CACNA1C: variants seen among roughly 807,000 people sequenced by gnomAD.
The protein encoded by CACNA1C is voltage-dependent L-type calcium channel subunit alpha-1C.
In CACNA1C, 30 loss-of-function variants were observed where a neutral mutation model predicts 229.0. That is an observed-to-expected ratio of 0.13 (90% CI 0.10 to 0.18). CACNA1C has a LOEUF of 0.18. CACNA1C is among the 10% of genes least tolerant of loss of function. The pLI, the probability that CACNA1C is intolerant of heterozygous loss-of-function variation, is 1.00. For synonymous variants in CACNA1C, 1,114 were observed against 1,132.5 expected (o/e 0.98, Z 0.33); for missense variants, 1,658 against 2,845.0 (o/e 0.58, Z 9.49).
At chr12:2,039,112 A>G (rs1003924519) in intron 1 of CACNA1C, among the ~76,000 whole-genome samples, 7 of 152,342 alleles carry the variant, frequency 4.6e-5, no homozygotes, top group Non-Finnish European at 7.4e-5. Context: ...TGCAAATAAC[A>G]TGGGCCTTTT....
chr12:2,090,011 A>G (rs559137694), intron 1 of CACNA1C, among the ~76,000 whole-genome samples: 1 of 152,306 alleles, frequency 6.6e-6, no homozygotes, highest in East Asian at 1.9e-4. Context: ...CCTGGGTGAC[A>G]GTGTGAGACT....
intron 3 of CACNA1C, among the ~76,000 whole-genome samples, chr12:2,334,569 C>G (rs189360601): frequency 1.1e-4 from 17 of 152,236 alleles, no homozygotes; most frequent in African/African-American, 4.1e-4. Flanking sequence ...ACTCAGGATG[C>G]CAAGACAGTA....
Position 2,679,409 on chromosome 12 carries a change from G to A in CACNA1C, c.5092-35G>A, listed in dbSNP as rs1027464148. 1.0e-5 allele frequency: 15 copies of A among 1,442,250 alleles called. No homozygotes were observed. The Middle Eastern group carries it at 1.3e-3, about 121-fold the overall frequency. 89.3% of individuals were successfully genotyped at this position (1,442,250 alleles called of 1,614,324 possible). A position where few individuals can be genotyped will look rare whatever the true frequency, so the allele number is the denominator to read the frequency against. On this transcript the variant is annotated intron_variant, in intron 41 of 46. Coordinates refer to ENST00000399655, the MANE Select transcript of CACNA1C (RefSeq NM_000719.7). The surrounding 1 kb of genome is among the most constrained non-coding windows in gnomAD (Gnocchi z 5.5). ...CTCTCTGGGAGGAGTGGGTGCTAAG[G>A]GGCTTCTCCACCCACCCCTCCTTCT...
At chr12:2,043,364 AG>A (rs1420320376) in intron 1 of CACNA1C, among the ~76,000 whole-genome samples, 1 of 152,172 alleles carries the variant, frequency 6.6e-6, no homozygotes, top group Non-Finnish European at 1.5e-5. Context: ...CTATATCCAG[AG>A]GGGGCTAGTG....
intron 1 of CACNA1C, among the ~76,000 whole-genome samples, chr12:1,996,410 C>T (rs10774010): frequency 0.31 from 46,926 of 151,476 alleles, 7,496 homozygotes; most frequent in East Asian, 0.54. Flanking sequence ...CCAGGTTCTC[C>T]GCCCCTGCTT....
At chr12:2,224,168 G>C (rs1382726226) in intron 3 of CACNA1C, among the ~76,000 whole-genome samples, 1 of 152,192 alleles carries the variant, frequency 6.6e-6, no homozygotes, top group African/African-American at 2.4e-5. Context: ...GCCCTGGTTT[G>C]TTTCTGCTTT....
intron 3 of CACNA1C, among the ~76,000 whole-genome samples, chr12:2,260,871 A>T (rs565354872): frequency 2.6e-4 from 40 of 152,272 alleles, no homozygotes; most frequent in African/African-American, 9.4e-4. Context: ...AATCCCAGAG[A>T]GTTTTTATTT....
intron 29 of CACNA1C, among the ~76,000 whole-genome samples, chr12:2,618,450 CTG>C (rs2081733274): frequency 6.6e-6 from 1 of 152,252 alleles, no homozygotes. Flanking sequence ...GTGCATGAGC[CTG>C]TGTCAGAGCA....
chr12:2,017,392 C>T (rs1206673596), intron 1 of CACNA1C, among the ~76,000 whole-genome samples: 1 of 152,066 alleles, frequency 6.6e-6, no homozygotes, highest in Non-Finnish European at 1.5e-5. Flanking sequence ...TGGGGACAGC[C>T]CCTTCAAGAA....
intron 3 of CACNA1C, among the ~76,000 whole-genome samples, chr12:2,386,180 T>TGGCATGA (rs1375168289): frequency 1.3e-5 from 2 of 152,176 alleles, no homozygotes; most frequent in Non-Finnish European, 2.9e-5. Context: ...AAATTGACCA[T>TGGCATGA]GGCATGAGTA....
At position 2,690,754 on chromosome 12, in the gene CACNA1C, C is replaced by G. The variant is rs963396757; in HGVS notation, c.6118-146C>G. Reference sequence around the variant, plus strand: ...CCACTTGTTCCCCATGGGTGCCCCTCCCAACACACACACGTACACGTGCAC... The same window carrying G: ...CCACTTGTTCCCCATGGGTGCCCCTGCCAACACACACACGTACACGTGCAC... On this transcript the variant is annotated intron_variant, in intron 46 of 46. Transcript: ENST00000399655. 9.3e-6 allele frequency: 7 copies of G among 752,326 alleles called. No individual in the cohort carries two copies. In the African/African-American group the frequency reaches 1.1e-4, roughly 11 times the overall value. The allele number at this position is 752,326 out of a possible 1,614,324, so 46.6% of individuals were successfully genotyped here.
In CACNA1C at chr12:2,488,231, G is replaced by A. The variant is rs543446631; in HGVS notation, c.916+1969G>A. 2.0e-5 allele frequency among the ~76,000 whole-genome samples: 3 copies of A among 152,320 alleles called. No homozygotes were observed. Among genetic ancestry groups the A allele is most frequent in the South Asian group, 2.1e-4 (1 of 4,816 alleles). ...AAGCAGTCCAAGAGTGTTTTCTGCC[G>A]GTGGTGGGCTCCTGCAAGGGCGGGT... On this transcript the variant is annotated intron_variant, in intron 6 of 46. Coordinates refer to ENST00000399655, the MANE Select transcript of CACNA1C (RefSeq NM_000719.7). The surrounding 1 kb of genome is among the most constrained non-coding windows in gnomAD (Gnocchi z 4.0).
intron 3 of CACNA1C, among the ~76,000 whole-genome samples, chr12:2,344,539 T>C (rs1352087893): frequency 2.0e-5 from 3 of 152,112 alleles, no homozygotes; most frequent in Non-Finnish European, 4.4e-5. Context: ...CTTTTTTGAG[T>C]GCTTATCATT....
intron 3 of CACNA1C, among the ~76,000 whole-genome samples, chr12:2,314,007 C>T (rs1182948342): frequency 1.3e-5 from 2 of 152,212 alleles, no homozygotes; most frequent in East Asian, 3.9e-4. Flanking sequence ...TATGTGGGCA[C>T]AGGGCACACG....
chr12:2,383,047 T>A (rs547720853), intron 3 of CACNA1C, among the ~76,000 whole-genome samples: 1 of 152,314 alleles, frequency 6.6e-6, no homozygotes, highest in Admixed American at 6.5e-5. Context: ...TAGTTTGTAA[T>A]CCTGGATTCA....
chr12:2,611,216 G>A (rs1248825416), intron 28 of CACNA1C, among the ~76,000 whole-genome samples: 1 of 132,476 alleles, frequency 7.5e-6, no homozygotes, highest in Non-Finnish European at 1.6e-5. Context: ...TGCATTCCTT[G>A]TTGGTTGATC....
At chr12:2,257,064 C>T (rs1283669445) in intron 3 of CACNA1C, among the ~76,000 whole-genome samples, 2 of 152,186 alleles carry the variant, frequency 1.3e-5, no homozygotes, top group East Asian at 3.8e-4. Context: ...GGGACCAGGG[C>T]TTTGCTGTCT....
intron 3 of CACNA1C, among the ~76,000 whole-genome samples, chr12:2,411,331 AG>A (rs1458379087): frequency 6.6e-6 from 1 of 152,162 alleles, no homozygotes; most frequent in East Asian, 1.9e-4. Flanking sequence ...TCAGAGCCCT[AG>A]GACCTTTAGG....
chr12:2,309,377 T>C (rs1207085705), intron 3 of CACNA1C, among the ~76,000 whole-genome samples: 3 of 152,154 alleles, frequency 2.0e-5, no homozygotes. Context: ...GGAAGGGTTA[T>C]AAACTTGGCA....
Sources: allele counts gnomAD v4.1 joint callset (sites outside exome capture counted in the v4.1 genomes callset), GRCh38; gene constraint gnomAD v4.1.1; non-coding constraint Gnocchi (gnomAD v3.1); transcripts MANE v1.5; gene names NCBI Gene and HGNC (gene_info 2026-07-23, HGNC 2026-07-21).